Variants in ITPR3 observed in about 807,000 individuals in gnomAD.
ITPR3 encodes inositol 1,4,5-trisphosphate-gated calcium channel ITPR3.
Under a neutral mutation model 293.2 loss-of-function variants are expected in ITPR3, and 173 were observed. That is an observed-to-expected ratio of 0.59 (90% CI 0.52 to 0.67). ITPR3 has a LOEUF of 0.67. ITPR3 is among the 30% of genes least tolerant of loss of function. ITPR3 has a pLI of 0.00. For synonymous variants in ITPR3, 1,295 were observed against 1,444.4 expected (o/e 0.90, Z 2.35); for missense variants, 2,796 against 3,592.1 (o/e 0.78, Z 5.66).
In ITPR3 at chr6:33,687,595, G is replaced by GTGGT; in HGVS notation, c.6264+34_6264+35insTTGG. 2 of 1,511,828 alleles carry GTGGT rather than the reference G, an allele frequency of 1.3e-6. No homozygotes were observed. The allele number at this position is 1,511,828 out of a possible 1,614,324, so 93.7% of individuals were successfully genotyped here. A position where few individuals can be genotyped will look rare whatever the true frequency, so the allele number is the denominator to read the frequency against. ...TGCTGGCCCCGAGACTGGGGTGGGG[G>GTGGT]TGGGGCCTGGAACCCAGGGAGGACA... On this transcript the variant is annotated intron_variant, in intron 46 of 57. Coordinates refer to ENST00000605930, the MANE Select transcript of ITPR3 (RefSeq NM_002224.4). This position sits in a 1 kb window ranked among gnomAD's most constrained non-coding sequence, Gnocchi z 5.3.
At chr6:33,660,664 C>T (rs1295419481) in intron 7 of ITPR3, among the ~76,000 whole-genome samples, 1 of 152,166 alleles carries the variant, frequency 6.6e-6, no homozygotes, top group Non-Finnish European at 1.5e-5. Flanking sequence ...CGGGGTGGCT[C>T]ATGCCTGTAA....
intron 1 of ITPR3, among the ~76,000 whole-genome samples, chr6:33,626,290 T>C (rs998918949): frequency 7.1e-4 from 108 of 152,282 alleles, no homozygotes; most frequent in African/African-American, 2.5e-3. Flanking sequence ...TCCGTCAGCC[T>C]GCATTATCCT....
intron 1 of ITPR3, among the ~76,000 whole-genome samples, chr6:33,623,441 C>T (rs1195264771): frequency 6.6e-6 from 1 of 150,880 alleles, no homozygotes; most frequent in Non-Finnish European, 1.5e-5. Context: ...ATCCTCCTGC[C>T]TCAGCTCCCA....
chr6:33,628,123 C>T (rs1763591202), intron 1 of ITPR3, among the ~76,000 whole-genome samples: 1 of 152,240 alleles, frequency 6.6e-6, no homozygotes, highest in Admixed American at 6.5e-5. Context: ...GGTGGGGCCA[C>T]ACCAGCTTTC....
intron 2 of ITPR3, among the ~76,000 whole-genome samples, chr6:33,645,751 T>C (rs554412231): frequency 6.6e-6 from 1 of 152,244 alleles, no homozygotes; most frequent in Non-Finnish European, 1.5e-5. Context: ...GGCATCTTAC[T>C]GTGGTTTTAA....
chr6:33,684,862 C>G lies in ITPR3; in HGVS notation c.5226C>G (p.Thr1742=). The part of the protein sequence containing the change: ...GATKLVCDLI[T]STKNEKIFQE... ...CCAAGTTGGTATGCGACCTCATCAC[C>G]AGCACCAAGAACGAGAAGATCTTCC... is the stretch of plus-strand genomic sequence containing the variant. Residue 1742 remains threonine (T), a synonymous_variant, in exon 39 of 58, where the codon ACC becomes ACG. Transcript: ENST00000605930. This position sits in a 1 kb window ranked among gnomAD's most constrained non-coding sequence, Gnocchi z 4.2. 6.2e-7 allele frequency: 1 copy of G among 1,614,136 alleles called. No individual in the cohort carries two copies. Among genetic ancestry groups the G allele is most frequent in the African/African-American group, 1.3e-5 (1 of 75,072 alleles).
intron 1 of ITPR3, among the ~76,000 whole-genome samples, chr6:33,635,759 G>A (rs1763806612): frequency 6.6e-6 from 1 of 151,920 alleles, no homozygotes; most frequent in Admixed American, 6.6e-5. Context: ...GAGGGTTCTG[G>A]GCAGAGGAAG....
In ITPR3 at chr6:33,694,945, C is replaced by T. The variant is rs1343144700; in HGVS notation, c.7807C>T (p.Pro2603Ser). 1 of 1,614,122 alleles carries T rather than the reference C, an allele frequency of 6.2e-7. No homozygotes were observed. The highest frequency in any genetic ancestry group is 1.1e-5 in the South Asian group (1 of 91,086). Residue 2603 changes from proline (P) to serine (S), a missense_variant, in exon 57 of 58, where the codon CCC becomes TCC. By Grantham distance (74) the Pro-to-Ser change is moderately conservative. Transcript: ENST00000605930. ...MIKNKNLDWF[P>S]RMRAMSLVSN... ...TCAGAACAAGAACCTGGACTGGTTC[C>T]CCCGGATGCGGGCCATGTCCCTTGT...
At position 33,621,670 on chromosome 6, in the gene ITPR3, A is replaced by G. The variant is rs750855401; in HGVS notation, c.68A>G (p.Asn23Ser). 1.9e-5 allele frequency: 30 copies of G among 1,610,052 alleles called. No individual in the cohort carries two copies. The highest frequency in any genetic ancestry group is 4.5e-5 in the East Asian group (2 of 44,764). The change falls in exon 1 of 58, where the codon AAT (asparagine) becomes AGT (serine). Residue 23 changes from asparagine to serine, a missense_variant. Physicochemically the swap from Asn to Ser is conservative, Grantham distance 46 (BLOSUM62 1). Around this residue, in one of 8 missense-constraint regions of ITPR3, gnomAD observed 22 missense variants for 56.5 expected, o/e 0.39. Transcript: ENST00000605930. This position sits in a 1 kb window ranked among gnomAD's most constrained non-coding sequence, Gnocchi z 7.7. ...TCCCTGTACGCCGAGGGCTCCGTCA[A>G]TGGCTTCATCAGCACTTTGGGGTGA... ...IVSLYAEGSV[N>S]GFISTLGLVD...
At chr6:33,668,109 C>A in intron 16 of ITPR3, 145 bp downstream of exon 16, 1 of 894,508 alleles carries the variant, frequency 1.1e-6, no homozygotes, top group Non-Finnish European at 1.7e-6. Context: ...CACTGGGAGG[C>A]CCTAGCCTCC....
At chr6:33,636,257 A>G (rs1430286646) in intron 1 of ITPR3, among the ~76,000 whole-genome samples, 2 of 151,882 alleles carry the variant, frequency 1.3e-5, no homozygotes, top group Non-Finnish European at 2.9e-5. Context: ...AGCCAAGATC[A>G]TGCCACTGCA....
rs542946445 is a variant in ITPR3, at chr6:33,675,482, G to A, written c.3117-209G>A. ...TGCTTAATCAAGGGGAGTCCCGAGA[G>A]ATCCCAGGAGACACGGGTCACTCCG... On this transcript the variant is annotated intron_variant, in intron 24 of 57. Transcript: ENST00000605930. The surrounding 1 kb of genome is among the most constrained non-coding windows in gnomAD (Gnocchi z 5.0). 7.9e-5 allele frequency among the ~76,000 whole-genome samples: 12 copies of A among 152,026 alleles called. No individual in the cohort carries two copies. In the South Asian group the frequency reaches 2.5e-3, roughly 32 times the overall value.
chr6:33,623,205 C>G (rs1007600951), intron 1 of ITPR3, among the ~76,000 whole-genome samples: 3 of 151,590 alleles, frequency 2.0e-5, no homozygotes, highest in Non-Finnish European at 4.4e-5. Context: ...AGGGATCTAT[C>G]GTGGAAGTCC....
Position 33,679,902 on chromosome 6 carries a change from T to A in ITPR3, c.3993T>A (p.Asp1331Glu). 6.2e-7 allele frequency: 1 copy of A among 1,613,260 alleles called. No individual in the cohort carries two copies. Residue 1331 changes from aspartate (D) to glutamate (E), a missense_variant, in exon 31 of 58, where the codon GAT becomes GAA. Around this residue, in one of 8 missense-constraint regions of ITPR3, gnomAD observed 344 missense variants for 460.3 expected, o/e 0.75. Transcript: ENST00000605930. The surrounding 1 kb of genome is among the most constrained non-coding windows in gnomAD (Gnocchi z 4.2). ...IMTELTNAGDDVVVFYNDKAS... is the reference protein window; with the variant it reads ...IMTELTNAGDEVVVFYNDKAS... ...CGCAGCTGACCAATGCAGGTGACGA[T>A]GTGGTCGTGTTCTACAATGATAAGG...
At position 33,638,820 on chromosome 6, in the gene ITPR3, G is replaced by A. The variant is rs776852149; in HGVS notation, c.90-1664G>A. 6.6e-5 allele frequency among the ~76,000 whole-genome samples: 10 copies of A among 152,224 alleles called. No individual in the cohort carries two copies. The highest frequency in any genetic ancestry group is 2.0e-4 in the Admixed American group (3 of 15,284). On this transcript the variant is annotated intron_variant, in intron 1 of 57. Transcript: ENST00000605930. This position sits in a 1 kb window ranked among gnomAD's most constrained non-coding sequence, Gnocchi z 4.3. ...GAGACACTGCCAGGACCAGGTGCCG[G>A]AACATGAAGGAGGGAGGCCCACAGG...
chr6:33,646,369 C>T (rs886727230), intron 2 of ITPR3, among the ~76,000 whole-genome samples: 4 of 103,260 alleles, frequency 3.9e-5, no homozygotes, highest in African/African-American at 1.5e-4. Flanking sequence ...TCTTCCCACC[C>T]CCCACCCCCT....
chr6:33,662,703 G>A (rs755723460), intron 8 of ITPR3, 29 bp downstream of exon 8: 16 of 1,601,276 alleles, frequency 1.0e-5, no homozygotes, highest in African/African-American at 1.3e-5. Flanking sequence ...CTGGCACCCC[G>A]GACTCAGCCT....
In ITPR3 at chr6:33,679,031, T is replaced by C. The variant is rs978538888; in HGVS notation, c.3972+192T>C. ...GGTAGAACTCAGCCTGTGGGCCTGA[T>C]AGAACTCAAGCAGGGTCCCAGTAGC... On this transcript the variant is annotated intron_variant, in intron 30 of 57. Transcript: ENST00000605930. The surrounding 1 kb of genome is among the most constrained non-coding windows in gnomAD (Gnocchi z 4.2). Among the ~76,000 whole-genome samples, 8 of 152,168 alleles carry C rather than the reference T, an allele frequency of 5.3e-5. No homozygotes were observed. Among genetic ancestry groups the C allele is most frequent in the African/African-American group, 1.9e-4 (8 of 41,426 alleles).
chr6:33,660,790 G>T (rs1409594365), intron 7 of ITPR3, among the ~76,000 whole-genome samples: 1 of 152,116 alleles, frequency 6.6e-6, no homozygotes, highest in East Asian at 1.9e-4. Context: ...TTAGCCAGGC[G>T]TGGCAGTGGG....
Sources: allele counts gnomAD v4.1 joint callset (sites outside exome capture counted in the v4.1 genomes callset), GRCh38; gene constraint gnomAD v4.1.1; regional missense constraint gnomAD v4.1.1; non-coding constraint Gnocchi (gnomAD v3.1); transcripts MANE v1.5; gene names NCBI Gene and HGNC (gene_info 2026-07-23, HGNC 2026-07-21).